The following ACTN4 variants were observed in gnomAD, a reference collection of about 807,000 sequenced individuals.
ACTN4 encodes actinin alpha 4.
ACTN4 carries 18 observed loss-of-function variants against 114.2 expected under a neutral mutation model. That is an observed-to-expected ratio of 0.16 (90% CI 0.11 to 0.23). The LOEUF (loss-of-function observed/expected upper bound fraction) is 0.23. Among genes scored for constraint, ACTN4 ranks in the 10% least tolerant of loss-of-function variants. The pLI is 1.00. For missense variants in ACTN4, 722 were observed against 1,262.9 expected (o/e 0.57, Z 6.49); for synonymous variants, 515 against 506.3 (o/e 1.02, Z -0.23).
At chr19:38,704,576 C>T (rs1968391455) in intron 3 of ACTN4, among the ~76,000 whole-genome samples, 1 of 152,264 alleles carries the variant, frequency 6.6e-6, no homozygotes. Flanking sequence ...CAGAAATGTA[C>T]AGAGCACTGA....
At position 38,724,158 on chromosome 19, in the gene ACTN4, G is replaced by A. The variant is rs753008254; in HGVS notation, c.1694G>A (p.Gly565Asp). ...FIVHTIEEIE[G>D]LISAHDQFKS... is the part of the protein sequence containing the mutation. ...CCCTCACTCCAGCTCCTCCCCTAGGGCCTGATCTCAGCCCATGACCAGTTC... is the reference window on the plus strand; with the variant it reads ...CCCTCACTCCAGCTCCTCCCCTAGGACCTGATCTCAGCCCATGACCAGTTC... Residue 565 changes from glycine (G) to aspartate (D), a missense_variant and splice_region_variant, in exon 15 of 21, where the codon GGC becomes GAC. Around this residue, in one of 3 missense-constraint regions of ACTN4, gnomAD observed 523 missense variants for 875.9 expected, o/e 0.60. Transcript: ENST00000252699. The surrounding 1 kb of genome is among the most constrained non-coding windows in gnomAD (Gnocchi z 7.0). The A allele has an allele frequency of 6.2e-7, 1 of 1,613,804 alleles. No individual in the cohort carries two copies. Among genetic ancestry groups the A allele is most frequent in the Non-Finnish European group, 8.5e-7 (1 of 1,180,004 alleles).
rs1237288272 is a variant in ACTN4, at chr19:38,673,636, T to TTTATATATA, written c.162+25732_162+25740dup. On this transcript the variant is annotated intron_variant, in intron 1 of 20. Coordinates refer to ENST00000252699, the MANE Select transcript of ACTN4 (RefSeq NM_004924.6). ...TTATATTTATATATATTCATATATATTTATATATATTTATATATTTATATA... is the reference window on the plus strand; with the variant it reads ...TTATATTTATATATATTCATATATATTTATATATATTATATATATTTATATATTTATATA... 1.3e-3 allele frequency among the ~76,000 whole-genome samples: 67 copies of TTTATATATA among 52,258 alleles called. 6 individuals are homozygous for TTTATATATA. Among genetic ancestry groups the TTTATATATA allele is most frequent in the African/African-American group, 3.8e-3 (64 of 16,948 alleles). 34.3% of individuals were successfully genotyped at this position (52,258 alleles called of 152,430 possible). A position where few individuals can be genotyped will look rare whatever the true frequency, so the allele number is the denominator to read the frequency against.
chr19:38,694,711 C>A (rs1968035483), intron 1 of ACTN4, among the ~76,000 whole-genome samples: 1 of 132,004 alleles, frequency 7.6e-6, no homozygotes, highest in Non-Finnish European at 1.6e-5. Context: ...TGAACCTCTC[C>A]CTGCCTCAGT....
At chr19:38,703,806 C>G (rs1388588281) in intron 3 of ACTN4, among the ~76,000 whole-genome samples, 1 of 152,036 alleles carries the variant, frequency 6.6e-6, no homozygotes, top group East Asian at 1.9e-4. Flanking sequence ...GGTTGGGGAG[C>G]TCCTTGGGAC....
intron 1 of ACTN4, among the ~76,000 whole-genome samples, chr19:38,650,838 C>T (rs1391988481): frequency 2.0e-5 from 3 of 152,082 alleles, no homozygotes; most frequent in Non-Finnish European, 2.9e-5. Flanking sequence ...CGGGTTCAAG[C>T]GATTCTCCTG....
rs1353344072 is a variant in ACTN4, at chr19:38,724,488, C to G, written c.1933C>G (p.Gln645Glu). Residue 645 changes from glutamine (Q) to glutamate (E), a missense_variant, in exon 16 of 21, where the codon CAG becomes GAG. Coordinates refer to ENST00000252699, the MANE Select transcript of ACTN4 (RefSeq NM_004924.6). The surrounding 1 kb of genome is among the most constrained non-coding windows in gnomAD (Gnocchi z 7.0). ...CCTCCTGGAGGAGCAGAGCAAGCAGCAGTCCAACGAGCACCTGCGCCGCCA... is the reference window on the plus strand; with the variant it reads ...CCTCCTGGAGGAGCAGAGCAAGCAGGAGTCCAACGAGCACCTGCGCCGCCA... The part of the protein sequence containing the change: ...HALLEEQSKQ[Q>E]SNEHLRRQFA... 6.2e-7 allele frequency: 1 copy of G among 1,613,492 alleles called. No individual in the cohort carries two copies. The highest frequency in any genetic ancestry group is 8.5e-7 in the Non-Finnish European group (1 of 1,180,006).
At chr19:38,708,423 A>C (rs1043139296) in intron 6 of ACTN4, among the ~76,000 whole-genome samples, 4 of 151,906 alleles carry the variant, frequency 2.6e-5, no homozygotes, top group Non-Finnish European at 5.9e-5. Context: ...CCTCCATGGC[A>C]CTGCAACCAA....
intron 1 of ACTN4, among the ~76,000 whole-genome samples, chr19:38,667,636 A>G (rs1375212165): frequency 6.6e-6 from 1 of 151,706 alleles, no homozygotes; most frequent in Non-Finnish European, 1.5e-5. Flanking sequence ...CACTAGGTGC[A>G]CGGTGCCCCA....
In ACTN4 at chr19:38,709,308, C is replaced by G. The variant is rs972933505; in HGVS notation, c.652-87C>G. On this transcript the variant is annotated intron_variant, in intron 6 of 20. Coordinates refer to ENST00000252699, the MANE Select transcript of ACTN4 (RefSeq NM_004924.6). ...ACCCCCAACCCTCGCCCTCCCGGGT[C>G]TCTCCCTCTGGGCCAGCCCTGCCTC... 5.9e-6 allele frequency: 6 copies of G among 1,013,348 alleles called. No homozygotes were observed. The Admixed American group carries it at 8.5e-5, about 14-fold the overall frequency. 62.8% of individuals were successfully genotyped at this position (1,013,348 alleles called of 1,614,324 possible).
intron 12 of ACTN4, 74 bp downstream of exon 12, chr19:38,721,762 C>T (rs1285895459): frequency 1.1e-5 from 18 of 1,590,640 alleles, no homozygotes; most frequent in Non-Finnish European, 1.5e-5. Context: ...CGGCAGCACG[C>T]CGAGGCCCAG....
Position 38,717,182 on chromosome 19 carries a change from G to A in ACTN4, c.1009G>A (p.Asp337Asn), listed in dbSNP as rs1314016062. The A allele has an allele frequency of 1.9e-6, 3 of 1,614,140 alleles. No homozygotes were observed. The highest frequency in any genetic ancestry group is 2.2e-5 in the East Asian group (1 of 44,906). The change falls in exon 10 of 21, where the codon GAC (aspartate) becomes AAC (asparagine). Residue 337 changes from aspartate to asparagine, a missense_variant. Physicochemically the swap from Asp to Asn is conservative, Grantham distance 23 (BLOSUM62 1). Coordinates refer to ENST00000252699, the MANE Select transcript of ACTN4 (RefSeq NM_004924.6). This position sits in a 1 kb window ranked among gnomAD's most constrained non-coding sequence, Gnocchi z 4.0. Reference protein sequence around the residue: ...EMQQKLEDFRDYRRVHKPPKV... With the variant: ...EMQQKLEDFRNYRRVHKPPKV... ...GCAGCAGAAGCTGGAGGACTTCCGC[G>A]ACTACCGGCGTGTGCACAAGCCGCC... is the stretch of plus-strand genomic sequence containing the variant.
chr19:38,720,114 A>G (rs1388237000), intron 11 of ACTN4, among the ~76,000 whole-genome samples: 1 of 152,176 alleles, frequency 6.6e-6, no homozygotes, highest in Non-Finnish European at 1.5e-5. Flanking sequence ...TCCACACCCC[A>G]GGGTCTGGTC....
At position 38,729,465 on chromosome 19, in the gene ACTN4, G is replaced by C. The variant is rs543917023; in HGVS notation, c.*33G>C. 6.2e-6 allele frequency: 10 copies of C among 1,604,652 alleles called. 1 individual carries two copies. In the African/African-American group the frequency reaches 8.1e-5, roughly 13 times the overall value. ...GAGACCTGACCCAACACCCCCGACGGCCTCCAGGAGGGGCCTGGGCAGCCC... is the reference window on the plus strand; with the variant it reads ...GAGACCTGACCCAACACCCCCGACGCCCTCCAGGAGGGGCCTGGGCAGCCC... On this transcript the variant is annotated 3_prime_UTR_variant, in exon 21 of 21. Coordinates refer to ENST00000252699, the MANE Select transcript of ACTN4 (RefSeq NM_004924.6).
intron 3 of ACTN4, among the ~76,000 whole-genome samples, chr19:38,703,929 C>T (rs1568722487): frequency 6.6e-6 from 1 of 152,092 alleles, no homozygotes; most frequent in Non-Finnish European, 1.5e-5. Context: ...GTGGACAGAG[C>T]GTATCAAAGC....
chr19:38,686,883 G>A (rs918582439), intron 1 of ACTN4, among the ~76,000 whole-genome samples: 3 of 152,146 alleles, frequency 2.0e-5, no homozygotes, highest in African/African-American at 4.8e-5. Flanking sequence ...CTCCTACCCC[G>A]GGCCGCCTAT....
At chr19:38,726,497 C>T (rs1343411097) in intron 17 of ACTN4, among the ~76,000 whole-genome samples, 1 of 152,178 alleles carries the variant, frequency 6.6e-6, no homozygotes, top group Admixed American at 6.5e-5. Flanking sequence ...GGTGCCGGGT[C>T]AGGGCAGCAG....
intron 1 of ACTN4, among the ~76,000 whole-genome samples, chr19:38,649,628 T>G (rs938273421): frequency 1.3e-5 from 2 of 151,758 alleles, no homozygotes; most frequent in African/African-American, 4.8e-5. Context: ...CTCTGAAGGT[T>G]TGGGAGAGTG....
At chr19:38,673,701 TTATA>T (rs1330496045) in intron 1 of ACTN4, among the ~76,000 whole-genome samples, 3 of 60,616 alleles carry the variant, frequency 4.9e-5, no homozygotes, top group African/African-American at 1.6e-4. Context: ...TTATATATAT[TTATA>T]TATTTATATA....
At chr19:38,654,462 T>C (rs1976654647) in intron 1 of ACTN4, among the ~76,000 whole-genome samples, 1 of 150,210 alleles carries the variant, frequency 6.7e-6, no homozygotes, top group Non-Finnish European at 1.5e-5. Flanking sequence ...CTGGGGAGGC[T>C]GAGGCAGGAT....
Sources: allele counts gnomAD v4.1 joint callset (sites outside exome capture counted in the v4.1 genomes callset), GRCh38; gene constraint gnomAD v4.1.1; regional missense constraint gnomAD v4.1.1; non-coding constraint Gnocchi (gnomAD v3.1); transcripts MANE v1.5; gene names NCBI Gene and HGNC (gene_info 2026-07-23, HGNC 2026-07-21).